The following ACOT11 variants were observed in gnomAD, a reference collection of about 807,000 sequenced individuals.
ACOT11 encodes the protein acyl-CoA thioesterase 11.
In ACOT11, 69 loss-of-function variants were observed where a neutral mutation model predicts 77.5. The observed-to-expected ratio is 0.89, with a 90% CI of 0.73 to 1.09. The LOEUF is 1.09. Ranked by LOEUF, ACOT11 falls within the 50% of genes least tolerant of loss-of-function variation. The probability of loss-of-function intolerance (pLI) is 0.00; values close to 1 mark genes in which losing one functional copy is unlikely to be tolerated. For missense variants in ACOT11, 766 were observed against 813.7 expected (o/e 0.94, Z 0.71); for synonymous variants, 279 against 313.0 (o/e 0.89, Z 1.15).
intron 15 of ACOT11, among the ~76,000 whole-genome samples, chr1:54,616,905 T>C (rs1644178884): frequency 6.6e-6 from 1 of 152,168 alleles, no homozygotes; most frequent in South Asian, 2.1e-4. Flanking sequence ...TTAGTCTTGC[T>C]ATGTTGCCCT....
intron 6 of ACOT11, 52 bp downstream of exon 6, chr1:54,594,743 C>A: frequency 6.4e-7 from 1 of 1,563,638 alleles, no homozygotes. Context: ...CCTGCATGGC[C>A]CCTCTGCCCC....
exon 17 of ACOT11, chr1:54,634,909 C>T (rs1644322807): frequency 2.0e-6 from 1 of 507,512 alleles, no homozygotes; most frequent in Non-Finnish European, 3.5e-6. Flanking sequence ...CGGAAGAAAA[C>T]CTGAGGAAAG....
chr1:54,616,089 G>C (rs200866369), intron 15 of ACOT11: 3 of 1,613,996 alleles, frequency 1.9e-6, no homozygotes, highest in Non-Finnish European at 1.7e-6. Flanking sequence ...ATAGTGGGGG[G>C]GTGTGCCATG....
At chr1:54,604,020 A>G in intron 11 of ACOT11, 83 bp downstream of exon 11, 1 of 1,307,494 alleles carries the variant, frequency 7.6e-7, no homozygotes, top group Non-Finnish European at 1.1e-6. Context: ...GGTTTGGAGG[A>G]AGGCCGGGGA....
At chr1:54,600,588 C>A (rs1488859341) in intron 8 of ACOT11, among the ~76,000 whole-genome samples, 2 of 152,192 alleles carry the variant, frequency 1.3e-5, no homozygotes, top group Non-Finnish European at 2.9e-5. Context: ...GAGGCTGAGG[C>A]ACGAGAATCC....
chr1:54,561,982 G>C (rs1211798731), intron 1 of ACOT11, among the ~76,000 whole-genome samples: 1 of 83,136 alleles, frequency 1.2e-5, no homozygotes, highest in Non-Finnish European at 2.2e-5. Flanking sequence ...TTCCCAGTAG[G>C]GGCGGCCGGG....
chr1:54,579,956 A>G (rs1654246252), intron 1 of ACOT11, among the ~76,000 whole-genome samples: 1 of 152,184 alleles, frequency 6.6e-6, no homozygotes, highest in Non-Finnish European at 1.5e-5. Context: ...TCCCAGCTGT[A>G]TTTCTGTAGA....
intron 1 of ACOT11, among the ~76,000 whole-genome samples, chr1:54,583,558 T>G (rs149654337): frequency 3.8e-4 from 58 of 152,250 alleles, no homozygotes; most frequent in Admixed American, 3.5e-3. Context: ...CTGCAAGCAG[T>G]GTAGTGTCGG....
At position 54,609,499 on chromosome 1, in the gene ACOT11, G is replaced by A. The variant is rs1364286151; in HGVS notation, c.*387G>A. The A allele has an allele frequency of 4.3e-6, 7 of 1,613,162 alleles. No homozygotes were observed. In the Admixed American group the frequency reaches 1.0e-4, roughly 23 times the overall value. On this transcript the variant is annotated 3_prime_UTR_variant, in exon 16 of 16. Transcript: ENST00000343744. ...CCAGCAGCATGGCCTGCATCTGGAA[G>A]GACACAGGTTGCCAGAGCCCCTGGC... is the stretch of plus-strand genomic sequence containing the variant.
Position 54,573,097 on chromosome 1 carries a change from G to A in ACOT11, c.34-11558G>A, listed in dbSNP as rs577619417. The A allele has an allele frequency of 1.2e-5, 12 of 985,424 alleles. No homozygotes were observed. The African/African-American group carries it at 1.9e-4, about 16-fold the overall frequency. The allele number at this position is 985,424 out of a possible 1,614,324, so 61.0% of individuals were successfully genotyped here. ...AGGACATAAGGGTAGACAGGGAGGG[G>A]AGCTTCTTGGAAGTCCTGGCTCCAG... On this transcript the variant is annotated intron_variant, in intron 1 of 15. Coordinates refer to ENST00000343744, the MANE Select transcript of ACOT11 (RefSeq NM_147161.4).
chr1:54,615,980 A>T lies in ACOT11; in HGVS notation c.1629+7912A>T, dbSNP rs1041995144. ...TCTGCACATGCTGCCCCAGGGCCAGAGGGCTGGGGGCCGGAGAGGGTTTCC... is the reference window on the plus strand; with the variant it reads ...TCTGCACATGCTGCCCCAGGGCCAGTGGGCTGGGGGCCGGAGAGGGTTTCC... On this transcript the variant is annotated intron_variant, in intron 15 of 16. Coordinates refer to the ACOT11 transcript ENST00000371316. 1.4e-5 allele frequency: 22 copies of T among 1,604,764 alleles called. No individual in the cohort carries two copies. The Admixed American group carries it at 2.5e-4, about 18-fold the overall frequency.
intron 1 of ACOT11, among the ~76,000 whole-genome samples, chr1:54,579,845 G>C (rs1056015524): frequency 6.6e-6 from 1 of 152,192 alleles, no homozygotes; most frequent in Non-Finnish European, 1.5e-5. Context: ...TCTCAAACAA[G>C]CTCGTAATCT....
chr1:54,621,184 C>G (rs188121260), intron 15 of ACOT11, among the ~76,000 whole-genome samples: 2 of 148,782 alleles, frequency 1.3e-5, no homozygotes, highest in African/African-American at 4.9e-5. Flanking sequence ...AACCTGCGCG[C>G]GGCGGCTGAC....
intron 1 of ACOT11, among the ~76,000 whole-genome samples, chr1:54,581,898 G>A (rs1654322992): frequency 6.6e-6 from 1 of 152,212 alleles, no homozygotes; most frequent in South Asian, 2.1e-4. Flanking sequence ...TAGGAGGCCT[G>A]GCCTGGCATG....
At chr1:54,614,974 G>T, downstream of ACOT11, 1 of 887,732 alleles carries the variant, frequency 1.1e-6, no homozygotes, top group South Asian at 1.7e-5. Context: ...GCACAGTGGA[G>T]TCAGGGGAGG....
Position 54,609,728 on chromosome 1 carries a change from C to A in ACOT11, c.*616C>A. 1 of 1,614,162 alleles carries A rather than the reference C, an allele frequency of 6.2e-7. No homozygotes were observed. Among genetic ancestry groups the A allele is most frequent in the Middle Eastern group, 1.7e-4 (1 of 6,060 alleles). On this transcript the variant is annotated 3_prime_UTR_variant, in exon 16 of 16. Coordinates refer to ENST00000343744, the MANE Select transcript of ACOT11 (RefSeq NM_147161.4). ...CACAGGCCAATGCAAGAGGCCAAGG[C>A]TGGAGAGGCGTGCCAGCAAGGCCAG...
chr1:54,634,780 G>A (rs762385410), exon 17 of ACOT11: 3 of 698,792 alleles, frequency 4.3e-6, no homozygotes, highest in South Asian at 1.5e-5. Context: ...AGGATCCAGA[G>A]GACCCCCTGG....
At chr1:54,623,233 G>A in intron 15 of ACOT11, 12 of 1,293,006 alleles carry the variant, frequency 9.3e-6, no homozygotes, top group Non-Finnish European at 1.3e-5. Flanking sequence ...TAAGGAGCGA[G>A]CGATGAGGGA....
intron 1 of ACOT11, among the ~76,000 whole-genome samples, chr1:54,577,688 T>C (rs1488253856): frequency 6.6e-6 from 1 of 152,164 alleles, no homozygotes; most frequent in Non-Finnish European, 1.5e-5. Flanking sequence ...GGAGTGGAAT[T>C]GCTGGGTCAT....
Sources: gnomAD v4.1 joint callset for allele counts (sites outside exome capture counted in the v4.1 genomes callset) on GRCh38, gnomAD v4.1.1 for gene constraint, MANE v1.5 for transcripts, NCBI Gene and HGNC (gene_info 2026-07-23, HGNC 2026-07-21) for gene names.